TSNARE1: variants seen among roughly 807,000 people sequenced by gnomAD.
TSNARE1 encodes the protein t-SNARE domain-containing protein 1.
Under a neutral mutation model 62.0 loss-of-function variants are expected in TSNARE1, and 49 were observed. That is an observed-to-expected ratio of 0.79 (90% confidence interval 0.63 to 1.00). TSNARE1 has a LOEUF of 1.00. Ranked by LOEUF, TSNARE1 falls within the 50% of genes least tolerant of loss-of-function variation. The pLI is 0.00. For missense variants in TSNARE1, 755 were observed against 700.1 expected, an observed-to-expected ratio of 1.08 and a Z score of -0.88; for synonymous variants, 328 against 294.4, an observed-to-expected ratio of 1.11 and a Z score of -1.17.
At chr8:142,305,965 G>A (rs1826600210) in intron 9 of TSNARE1, among the ~76,000 whole-genome samples, 1 of 152,190 alleles carries the variant, frequency 6.6e-6, no homozygotes, top group Non-Finnish European at 1.5e-5. Context: ...ACCCGAGGCC[G>A]GCGCTCAGGG....
At chr8:142,341,751 T>C (rs1264253559) in intron 4 of TSNARE1, among the ~76,000 whole-genome samples, 1 of 152,156 alleles carries the variant, frequency 6.6e-6, no homozygotes, top group Non-Finnish European at 1.5e-5. Flanking sequence ...CCCAGGCCTT[T>C]TGCGGAGTAC....
chr8:142,266,812 G>A (rs532837606), intron 12 of TSNARE1, among the ~76,000 whole-genome samples: 2 of 152,222 alleles, frequency 1.3e-5, no homozygotes, highest in East Asian at 1.9e-4. Context: ...ACTCCAAGAC[G>A]ACATATGTTG....
intron 1 of TSNARE1, among the ~76,000 whole-genome samples, chr8:142,382,919 G>A (rs970365039): frequency 1.3e-5 from 2 of 152,198 alleles, no homozygotes; most frequent in African/African-American, 4.8e-5. Context: ...GGCGGTGAGG[G>A]CCCGAAGTGC....
intron 13 of TSNARE1, among the ~76,000 whole-genome samples, chr8:142,222,483 C>T (rs1276061097): frequency 3.2e-5 from 1 of 31,702 alleles, no homozygotes. Flanking sequence ...CACTCACTCA[C>T]TCACTCATCC....
At chr8:142,230,401 G>A (rs901390283) in intron 12 of TSNARE1, among the ~76,000 whole-genome samples, 3 of 152,220 alleles carry the variant, frequency 2.0e-5, no homozygotes. Flanking sequence ...AAGGAGTTTA[G>A]ACACCACCCC....
At chr8:142,350,997 A>C (rs1036565384) in intron 2 of TSNARE1, among the ~76,000 whole-genome samples, 15 of 152,230 alleles carry the variant, frequency 9.9e-5, no homozygotes, top group Admixed American at 2.0e-4. Flanking sequence ...ATGGCAGCCA[A>C]ACGTGCTGTC....
intron 13 of TSNARE1, among the ~76,000 whole-genome samples, chr8:142,222,960 T>TCACTCATACACTCATC (rs1292699319): frequency 7.3e-6 from 1 of 136,190 alleles, no homozygotes; most frequent in Non-Finnish European, 1.6e-5. Context: ...ATCCACTCAC[T>TCACTCATACACTCATC]CACTCATTCA....
intron 12 of TSNARE1, among the ~76,000 whole-genome samples, chr8:142,264,667 T>C (rs1819045971): frequency 6.6e-6 from 1 of 152,240 alleles, no homozygotes; most frequent in South Asian, 2.1e-4. Context: ...GTATCCTTAA[T>C]ATATACTTTT....
chr8:142,281,916 T>C (rs34853464), intron 11 of TSNARE1, among the ~76,000 whole-genome samples: 82,021 of 151,808 alleles, frequency 0.54, 23,250 homozygotes, highest in African/African-American at 0.71. Flanking sequence ...CCTTGATGGG[T>C]GGCCTCCAGC....
intron 6 of TSNARE1, among the ~76,000 whole-genome samples, chr8:142,328,985 G>A (rs1468987033): frequency 1.3e-5 from 2 of 152,238 alleles, no homozygotes; most frequent in African/African-American, 4.8e-5. Context: ...CTACACTGCA[G>A]GGCTGGAAAG....
At chr8:142,351,996 AT>A (rs1204921582) in intron 2 of TSNARE1, among the ~76,000 whole-genome samples, 10 of 152,262 alleles carry the variant, frequency 6.6e-5, no homozygotes. Flanking sequence ...TGGCAGCATT[AT>A]CATCTTGTGA....
chr8:142,370,709 T>C (rs1234220927), intron 1 of TSNARE1, among the ~76,000 whole-genome samples: 1 of 152,112 alleles, frequency 6.6e-6, no homozygotes, highest in Non-Finnish European at 1.5e-5. Flanking sequence ...TTAAAAAATC[T>C]TGAAGCTGAC....
intron 1 of TSNARE1, among the ~76,000 whole-genome samples, chr8:142,401,228 G>A (rs899542257): frequency 3.9e-5 from 6 of 152,038 alleles, no homozygotes; most frequent in African/African-American, 1.4e-4. Context: ...ATCAAAACCT[G>A]CTAGGTGCTT....
At chr8:142,298,701 G>A (rs758318255) in intron 10 of TSNARE1, among the ~76,000 whole-genome samples, 3 of 152,152 alleles carry the variant, frequency 2.0e-5, no homozygotes, top group African/African-American at 7.2e-5. Context: ...AATAAGCAGC[G>A]CCTCCTCTCT....
At chr8:142,315,208 T>TC in intron 7 of TSNARE1, 116 bp from the exon 8 acceptor site, 1 of 1,031,214 alleles carries the variant, frequency 9.7e-7, no homozygotes, top group African/African-American at 1.6e-5. Flanking sequence ...AGAATGGGGC[T>TC]CGCCATCAAC....
intron 9 of TSNARE1, among the ~76,000 whole-genome samples, chr8:142,312,798 A>G (rs913792398): frequency 2.6e-5 from 4 of 152,150 alleles, no homozygotes; most frequent in Admixed American, 6.5e-5. Context: ...TTGCCTCTCC[A>G]GCCCAGTAAG....
chr8:142,368,170 C>CA (rs1334906671), intron 1 of TSNARE1, among the ~76,000 whole-genome samples: 1 of 150,780 alleles, frequency 6.6e-6, no homozygotes, highest in Admixed American at 6.6e-5. Flanking sequence ...AGAAAGACAA[C>CA]AGACAAGCAG....
At chr8:142,282,398 G>A (rs1453705365) in intron 11 of TSNARE1, among the ~76,000 whole-genome samples, 6 of 151,800 alleles carry the variant, frequency 4.0e-5, no homozygotes, top group Non-Finnish European at 5.9e-5. Flanking sequence ...GTCTGTCAAT[G>A]ATCAGGGTGG....
At chr8:142,273,451 C>T (rs1283064191) in intron 12 of TSNARE1, 1 of 985,314 alleles carries the variant, frequency 1.0e-6, no homozygotes, top group African/African-American at 1.7e-5. Context: ...ACTAGAGGTG[C>T]TGGGCCAAGG....
Sources: gnomAD v4.1 joint callset for allele counts (sites outside exome capture counted in the v4.1 genomes callset) on GRCh38, gnomAD v4.1.1 for gene constraint, MANE v1.5 for transcripts, NCBI Gene and HGNC (gene_info 2026-07-23, HGNC 2026-07-21) for gene names.